ABCG5: variants seen among roughly 807,000 people sequenced by gnomAD.
ABCG5 encodes the protein ATP binding cassette subfamily G member 5.
ABCG5 carries 64 observed loss-of-function variants against 64.5 expected under a neutral mutation model. That is an observed-to-expected ratio of 0.99 (90% CI 0.81 to 1.22). ABCG5 has a LOEUF of 1.22. Ranked by LOEUF, ABCG5 falls within the 50% of genes most tolerant of loss-of-function variation. The pLI, the probability that ABCG5 is intolerant of heterozygous loss-of-function variation, is 0.00. For synonymous variants in ABCG5, 385 were observed against 326.3 expected (o/e 1.18, Z -1.94); for missense variants, 908 against 829.5 (o/e 1.09, Z -1.16).
Position 43,822,734 on chromosome 2 carries a change from G to C in ABCG5, c.1463+63C>G. On this transcript the variant is annotated intron_variant, in intron 10 of 12. Coordinates refer to ENST00000405322, the MANE Select transcript of ABCG5 (RefSeq NM_022436.3). ...CTTCACCCTGGAGCTCTCCCTGCAC[G>C]AGTCCCACTAGCTCCATGACTCCAT... The C allele has an allele frequency of 5.0e-6, 8 of 1,611,664 alleles. 1 individual carries two copies. In the South Asian group the frequency reaches 8.8e-5, roughly 18 times the overall value.
chr2:43,818,085 G>GTTGAATATTTAATGTAATTTA (rs1276411993), intron 11 of ABCG5, among the ~76,000 whole-genome samples: 10 of 152,174 alleles, frequency 6.6e-5, no homozygotes, highest in Non-Finnish European at 1.5e-4. Flanking sequence ...AATGTAATTT[G>GTTGAATATTTAATGTAATTTA]TTGAATATTT....
At chr2:43,822,725 T>C (rs1667313603) in intron 10 of ABCG5, 72 bp downstream of exon 10, 4 of 1,608,544 alleles carry the variant, frequency 2.5e-6, no homozygotes, top group African/African-American at 1.3e-5. Context: ...CCTGGAGCTC[T>C]CCCTGCACGA....
rs541945319 is a variant in ABCG5 at position 43,831,448 on chromosome 2, C to T, written c.501+321G>A. Among the ~76,000 whole-genome samples, 18 of 152,344 alleles carry T rather than the reference C, an allele frequency of 1.2e-4. No individual in the cohort carries two copies. The East Asian group carries it at 2.9e-3, about 25-fold the overall frequency. On this transcript the variant is annotated intron_variant, in intron 4 of 12. Coordinates refer to ENST00000405322, the MANE Select transcript of ABCG5 (RefSeq NM_022436.3). ...TTGGCCTTCCAAAGTGCTGGGATTA[C>T]AGGTATGAGCCACCCTGCCCGACCT...
In ABCG5 at chr2:43,838,024, G is replaced by T; in HGVS notation, c.144-69C>A. 1.2e-6 allele frequency: 2 copies of T among 1,605,094 alleles called. No individual in the cohort carries two copies. Among genetic ancestry groups the T allele is most frequent in the South Asian group, 2.2e-5 (2 of 90,398 alleles). ...GGAAGGGGCCACACCCAGGTCCCCA[G>T]CATTGATCCTACCTGTGCCCCACCC... On this transcript the variant is annotated intron_variant, in intron 1 of 12. Coordinates refer to ENST00000405322, the MANE Select transcript of ABCG5 (RefSeq NM_022436.3). This position sits in a 1 kb window ranked among gnomAD's most constrained non-coding sequence, Gnocchi z 4.2.
rs1018070975 is a variant in ABCG5, at chr2:43,826,438, G to A, written c.718C>T (p.Arg240Cys). 5.6e-6 allele frequency: 9 copies of A among 1,614,088 alleles called. No homozygotes were observed. The East Asian group carries it at 6.7e-5, about 12-fold the overall frequency. Residue 240 changes from arginine to cysteine, a missense_variant, in exon 6 of 13, where the codon CGC becomes TGC. By Grantham distance (180) the Arg-to-Cys change is radical (BLOSUM62 -3). Coordinates refer to ENST00000405322, the MANE Select transcript of ABCG5 (RefSeq NM_022436.3). The stretch of plus-strand genomic sequence containing the variant: ...GTGAGAACCACAATTCGGTTCCTGC[G>A]AGCCAGTTCCACCAGGAGGACGACA... Reference protein sequence around the residue: ...QIVVLLVELARRNRIVVLTIH... With the variant: ...QIVVLLVELACRNRIVVLTIH...
rs1166674418 is a variant in ABCG5 at position 43,838,639 on chromosome 2, C to A, written c.41G>T (p.Gly14Val). The change falls in exon 1 of 13, where the codon GGT (glycine) becomes GTT (valine). Residue 14 changes from glycine (G) to valine (V), a missense_variant. By Grantham distance (109) the Gly-to-Val change is moderately radical. Coordinates refer to ENST00000405322, the MANE Select transcript of ABCG5 (RefSeq NM_022436.3). This position sits in a 1 kb window ranked among gnomAD's most constrained non-coding sequence, Gnocchi z 4.2. Reference sequence around the variant, plus strand: ...CTGGGAGCCTCTGTTTACTTGGAGACCCATGGACCCTCCGGGGGTCAAAGA... The same window carrying A: ...CTGGGAGCCTCTGTTTACTTGGAGAACCATGGACCCTCCGGGGGTCAAAGA... ...LSSLTPGGSM[G>V]LQVNRGSQSS... 2.5e-6 allele frequency: 4 copies of A among 1,613,570 alleles called. No homozygotes were observed. The highest frequency in any genetic ancestry group is 2.2e-5 in the South Asian group (2 of 91,010).
rs1461341406 is a variant in ABCG5, at chr2:43,831,966, C to G, written c.383G>C (p.Cys128Ser). 2 of 1,550,928 alleles carry G rather than the reference C, an allele frequency of 1.3e-6. No homozygotes were observed. The highest frequency in any genetic ancestry group is 1.7e-6 in the Non-Finnish European group (2 of 1,147,250). ...RALRREQFQD[C>S]FSYVLQSDTL... ...GCCCACCTGCAGGACGTAGGAGAAG[C>G]AGTCCTGGAACTGCTCCCGGCGCAG... is the stretch of plus-strand genomic sequence containing the variant. The change falls in exon 3 of 13, where the codon TGC becomes TCC. Residue 128 changes from cysteine (C) to serine (S), a missense_variant. Physicochemically the swap from Cys to Ser is moderately radical, Grantham distance 112 (BLOSUM62 -1). Coordinates refer to ENST00000405322, the MANE Select transcript of ABCG5 (RefSeq NM_022436.3).
chr2:43,810,309 T>C, downstream of ABCG5: 1 of 969,346 alleles, frequency 1.0e-6, no homozygotes, highest in Non-Finnish European at 1.2e-6. Context: ...ATGGGGCATT[T>C]TTAATCAGCA....
intron 6 of ABCG5, 88 bp from the exon 7 acceptor site, chr2:43,825,106 G>A (rs1019691052): frequency 3.9e-6 from 6 of 1,520,542 alleles, no homozygotes; most frequent in Non-Finnish European, 4.5e-6. Flanking sequence ...GCAGGGCCAA[G>A]GTCAGGTATT....
Position 43,812,849 on chromosome 2 carries a change from A to T in ABCG5, c.*267T>A, listed in dbSNP as rs1373233710. ...AGTCACACGAGTCTCCCATAGGTTT[A>T]TGAATATTATTTACATTCTTGGGTC... On this transcript the variant is annotated 3_prime_UTR_variant, in exon 13 of 13. Transcript: ENST00000405322. 4.3e-6 allele frequency: 2 copies of T among 469,178 alleles called. No homozygotes were observed. Among genetic ancestry groups the T allele is most frequent in the African/African-American group, 3.9e-5 (2 of 51,324 alleles). 29.1% of individuals were successfully genotyped at this position (469,178 alleles called of 1,614,324 possible). A position where few individuals can be genotyped will look rare whatever the true frequency, so the allele number is the denominator to read the frequency against.
intron 5 of ABCG5, among the ~76,000 whole-genome samples, chr2:43,827,587 T>G (rs1056228161): frequency 5.9e-5 from 9 of 152,192 alleles, no homozygotes; most frequent in African/African-American, 1.9e-4. Flanking sequence ...AGTTTATCAT[T>G]CAAATTCCTA....
At position 43,838,526 on chromosome 2, in the gene ABCG5, C is replaced by G; in HGVS notation, c.143+11G>C. 1 of 1,594,026 alleles carries G rather than the reference C, an allele frequency of 6.3e-7. No individual in the cohort carries two copies. The highest frequency in any genetic ancestry group is 8.5e-7 in the Non-Finnish European group (1 of 1,171,102). On this transcript the variant is annotated intron_variant, in intron 1 of 12. Transcript: ENST00000405322. This position sits in a 1 kb window ranked among gnomAD's most constrained non-coding sequence, Gnocchi z 4.2. Reference sequence around the variant, plus strand: ...CCTGGGGGAGCAGCAGCAGCAAGGGCTCTGCCTTACCTGACGCTGTAGGAG... The same window carrying G: ...CCTGGGGGAGCAGCAGCAGCAAGGGGTCTGCCTTACCTGACGCTGTAGGAG...
Position 43,822,857 on chromosome 2 carries a change from G to A in ABCG5, c.1403C>T (p.Ala468Val), listed in dbSNP as rs770185430. The A allele has an allele frequency of 3.1e-6, 5 of 1,614,042 alleles. No individual in the cohort carries two copies. The highest frequency in any genetic ancestry group is 4.5e-5 in the East Asian group (2 of 44,884). The change falls in exon 10 of 13, where the codon GCA (alanine) becomes GTA (valine). Residue 468 changes from alanine to valine, a missense_variant. Ala to Val is a moderately conservative substitution (Grantham distance 64). Coordinates refer to ENST00000405322, the MANE Select transcript of ABCG5 (RefSeq NM_022436.3). Reference sequence around the variant, plus strand: ...AACGCTGAAGGGGAGGACGTGCAGTGCATAGGCCAGCATCATCTGCCACTT... The same window carrying A: ...AACGCTGAAGGGGAGGACGTGCAGTACATAGGCCAGCATCATCTGCCACTT... ...YQKWQMMLAY[A>V]LHVLPFSVVA...
intron 11 of ABCG5, among the ~76,000 whole-genome samples, chr2:43,815,537 C>T (rs1666760691): frequency 6.6e-6 from 1 of 152,180 alleles, no homozygotes; most frequent in Non-Finnish European, 1.5e-5. Context: ...CTCAACCTTT[C>T]AGTTTCCTAA....
intron 4 of ABCG5, among the ~76,000 whole-genome samples, chr2:43,831,450 G>A (rs1010737109): frequency 1.3e-5 from 2 of 152,202 alleles, no homozygotes; most frequent in African/African-American, 4.8e-5. Context: ...TGGGATTACA[G>A]GTATGAGCCA....
At chr2:43,826,984 G>A (rs4289236) in intron 5 of ABCG5, among the ~76,000 whole-genome samples, 34,017 of 152,222 alleles carry the variant, frequency 0.22, 5,179 homozygotes, top group East Asian at 0.81. Flanking sequence ...AGTGTGGCAG[G>A]CATTTGGGTT....
At chr2:43,831,674 A>T in intron 4 of ABCG5, 95 bp downstream of exon 4, 1 of 1,259,388 alleles carries the variant, frequency 7.9e-7, no homozygotes, top group Non-Finnish European at 1.1e-6. Context: ...TGACGAGCAA[A>T]GGGAAGGAAT....
chr2:43,838,948 G>T, upstream of ABCG5: 1 of 1,321,026 alleles, frequency 7.6e-7, no homozygotes, highest in Non-Finnish European at 1.1e-6. The surrounding 1 kb of genome is among the most constrained non-coding windows in gnomAD (Gnocchi z 4.2). Flanking sequence ...CAGGGCAGGA[G>T]GCCGAGGTGT....
In ABCG5 at chr2:43,813,542, A is replaced by C. The variant is rs368946924; in HGVS notation, c.1763-233T>G. Reference sequence around the variant, plus strand: ...GTATAGATTCATTACCATATTTGTGATAAAAATCATGATCCCTTAGCACAG... The same window carrying C: ...GTATAGATTCATTACCATATTTGTGCTAAAAATCATGATCCCTTAGCACAG... On this transcript the variant is annotated intron_variant, in intron 12 of 12. Coordinates refer to ENST00000405322, the MANE Select transcript of ABCG5 (RefSeq NM_022436.3). Among the ~76,000 whole-genome samples, 273 of 152,176 alleles carry C rather than the reference A, an allele frequency of 1.8e-3. 1 individual carries two copies. The highest frequency in any genetic ancestry group is 6.3e-3 in the African/African-American group (260 of 41,488).
Sources: allele counts gnomAD v4.1 joint callset (sites outside exome capture counted in the v4.1 genomes callset), GRCh38; gene constraint gnomAD v4.1.1; non-coding constraint Gnocchi (gnomAD v3.1); transcripts MANE v1.5; gene names NCBI Gene and HGNC (gene_info 2026-07-23, HGNC 2026-07-21).